Variants in STS observed in about 807,000 individuals in gnomAD.
STS encodes the protein steryl-sulfatase.
Under a neutral mutation model 26.8 loss-of-function variants are expected in STS, and 7 were observed. The ratio of observed to expected loss-of-function variants is 0.26; its 90% CI spans 0.15 to 0.49. The LOEUF is 0.49. Among genes scored for constraint, STS ranks in the 20% least tolerant of loss-of-function variants. The pLI, the probability that STS is intolerant of heterozygous loss-of-function variation, is 0.98. For missense variants in STS, 434 were observed against 465.6 expected (o/e 0.93, Z 0.63); for synonymous variants, 199 against 189.4 (o/e 1.05, Z -0.42).
chrX:7,242,070 C>T (rs368527033), intron 2 of STS, among the ~76,000 whole-genome samples: 4 of 111,080 alleles, frequency 3.6e-5, no homozygotes, highest in African/African-American at 1.3e-4. Flanking sequence ...TCTTTTACAA[C>T]CCAATCACAG....
At chrX:7,181,291 T>A in intron 1 of STS, among the ~76,000 whole-genome samples, 1 of 112,579 alleles carries the variant, frequency 8.9e-6, no homozygotes, top group Non-Finnish European at 1.9e-5. Context: ...AACTATTGTT[T>A]TTTAGCCTCA....
chrX:7,196,023 A>C (rs1281262429), intron 2 of STS, among the ~76,000 whole-genome samples: 1 of 112,284 alleles, frequency 8.9e-6, no homozygotes, highest in Non-Finnish European at 1.9e-5. Flanking sequence ...GGAAGGAAAA[A>C]GTAATTTTTC....
chrX:7,278,226 T>C (rs764190815), intron 7 of STS, among the ~76,000 whole-genome samples: 2 of 112,603 alleles, frequency 1.8e-5, no homozygotes, highest in South Asian at 7.3e-4. Flanking sequence ...TTAAATCCAA[T>C]ACATATGAGT....
intron 2 of STS, among the ~76,000 whole-genome samples, chrX:7,245,709 A>G (rs1333223291): frequency 2.7e-5 from 3 of 112,337 alleles, no homozygotes; most frequent in East Asian, 5.6e-4. Flanking sequence ...ACTTGCTTGT[A>G]TCATCAGTGC....
At chrX:7,290,204 A>G (rs1049224422) in intron 7 of STS, among the ~76,000 whole-genome samples, 1 of 111,369 alleles carries the variant, frequency 9.0e-6, no homozygotes, top group Non-Finnish European at 1.9e-5. Flanking sequence ...GCATCATGGG[A>G]CCATTTTCAA....
intron 8 of STS, among the ~76,000 whole-genome samples, chrX:7,317,451 T>TTTGG (rs1462196118): frequency 9.2e-6 from 1 of 109,074 alleles, no homozygotes; most frequent in Non-Finnish European, 1.9e-5. Context: ...GGGCATATCT[T>TTTGG]TTGGTTTGTT....
chrX:7,231,940 A>C (rs1922081388), intron 2 of STS, among the ~76,000 whole-genome samples: 1 of 109,714 alleles, frequency 9.1e-6, no homozygotes, highest in Non-Finnish European at 1.9e-5. Flanking sequence ...ATTAGCAGTT[A>C]AAGCTGACTG....
At chrX:7,151,629 G>A (rs1263505481) in intron 1 of STS, among the ~76,000 whole-genome samples, 1 of 112,077 alleles carries the variant, frequency 8.9e-6, no homozygotes, top group African/African-American at 3.3e-5. Flanking sequence ...TTGTACTCTC[G>A]GACATATCTG....
chrX:7,319,990 A>ATATATATTTT lies in STS; in HGVS notation c.1082-5342_1082-5341insTTTTATATAT, dbSNP rs1569224302. ...ATTTTATATATATGTATATATATTT[A>ATATATATTTT]TATATATATTTTTATATATATATTT... On this transcript the variant is annotated intron_variant, in intron 8 of 10. Coordinates refer to ENST00000674429, the MANE Select transcript of STS (RefSeq NM_001320752.2). Among the ~76,000 whole-genome samples the ATATATATTTT allele has an allele frequency of 1.2e-3, 105 of 88,190 alleles. 1 individual carries two copies. Among genetic ancestry groups the ATATATATTTT allele is most frequent in the African/African-American group, 4.9e-3 (100 of 20,439 alleles). 76.6% of individuals were successfully genotyped at this position (88,190 alleles called of 115,157 possible).
chrX:7,204,892 C>T (rs772496612), intron 2 of STS, among the ~76,000 whole-genome samples: 89 of 107,987 alleles, frequency 8.2e-4, no homozygotes, highest in Non-Finnish European at 1.5e-3. Flanking sequence ...TTCCCTTATT[C>T]CTCCCTCCTT....
intron 7 of STS, among the ~76,000 whole-genome samples, chrX:7,298,063 C>T (rs962453634): frequency 9.0e-6 from 1 of 111,017 alleles, no homozygotes; most frequent in Non-Finnish European, 1.9e-5. Context: ...AGCACAACTT[C>T]TCCTATTTAA....
intron 2 of STS, among the ~76,000 whole-genome samples, chrX:7,199,190 A>G (rs1934024341): frequency 8.9e-6 from 1 of 111,820 alleles, no homozygotes; most frequent in South Asian, 3.7e-4. Flanking sequence ...CAAATACAAT[A>G]TTATGATATT....
intron 2 of STS, 84 bp from the exon 3 acceptor site, chrX:7,253,112 C>T: frequency 9.0e-7 from 1 of 1,112,192 alleles, no homozygotes; most frequent in Non-Finnish European, 1.2e-6. Context: ...GATCCTACCA[C>T]CTCACCCCAG....
At chrX:7,319,455 C>G (rs1926860527) in intron 8 of STS, among the ~76,000 whole-genome samples, 1 of 110,538 alleles carries the variant, frequency 9.0e-6, no homozygotes, top group Admixed American at 9.7e-5. Flanking sequence ...GCCACTGCAC[C>G]CAGCCACTAT....
chrX:7,215,024 T>A (rs1286647004), intron 2 of STS, among the ~76,000 whole-genome samples: 1 of 67,882 alleles, frequency 1.5e-5, no homozygotes, highest in Non-Finnish European at 2.9e-5. Context: ...ATATATATAT[T>A]ATATATGTAT....
At chrX:7,297,412 G>A (rs184385658) in intron 7 of STS, among the ~76,000 whole-genome samples, 78 of 111,079 alleles carry the variant, frequency 7.0e-4, no homozygotes, top group Non-Finnish European at 1.2e-3. Context: ...TAAGTACAAG[G>A]TCTTGTGTGT....
chrX:7,328,308 G>A (rs1020716043), intron 9 of STS, among the ~76,000 whole-genome samples: 6 of 111,647 alleles, frequency 5.4e-5, no homozygotes. Flanking sequence ...AAAGTTCAGA[G>A]GCAAAGAGGA....
chrX:7,261,009 A>T (rs1923718231), intron 6 of STS, among the ~76,000 whole-genome samples: 1 of 110,895 alleles, frequency 9.0e-6, no homozygotes, highest in Non-Finnish European at 1.9e-5. Flanking sequence ...TAGGTATAAT[A>T]TATATCTATA....
At chrX:7,245,978 G>A (rs1465649084) in intron 2 of STS, among the ~76,000 whole-genome samples, 1 of 112,384 alleles carries the variant, frequency 8.9e-6, no homozygotes, top group Non-Finnish European at 1.9e-5. Context: ...ACACAAGCAT[G>A]TAGTACTTGT....
Sources: allele counts gnomAD v4.1 joint callset (sites outside exome capture counted in the v4.1 genomes callset), GRCh38; gene constraint gnomAD v4.1.1; transcripts MANE v1.5; gene names NCBI Gene and HGNC (gene_info 2026-07-23, HGNC 2026-07-21).